RAB10: variants seen among roughly 807,000 people sequenced by gnomAD.
The protein encoded by RAB10 is ras-related protein Rab-10.
In RAB10, 5 loss-of-function variants were observed where a neutral mutation model predicts 25.7. The ratio of observed to expected loss-of-function variants is 0.19; its 90% CI spans 0.10 to 0.41. The LOEUF (loss-of-function observed/expected upper bound fraction) is 0.41. Among genes scored for constraint, RAB10 ranks in the 10% least tolerant of loss-of-function variants. RAB10 has a pLI of 1.00. For missense variants in RAB10, 103 were observed against 245.8 expected, an observed-to-expected ratio of 0.42 and a Z score of 3.89; for synonymous variants, 89 against 86.4, an observed-to-expected ratio of 1.03 and a Z score of -0.16.
intron 2 of RAB10, among the ~76,000 whole-genome samples, chr2:26,108,750 C>T: frequency 6.6e-6 from 1 of 152,080 alleles, no homozygotes; most frequent in Admixed American, 6.5e-5. Context: ...CCCAGGACCT[C>T]TCTGCACAGT....
intron 1 of RAB10, among the ~76,000 whole-genome samples, chr2:26,051,868 C>A (rs892766264): frequency 2.6e-5 from 4 of 151,144 alleles, no homozygotes; most frequent in African/African-American, 7.3e-5. Context: ...ACCAGCCTGA[C>A]CAACATGGTG....
intron 1 of RAB10, among the ~76,000 whole-genome samples, chr2:26,049,371 C>G (rs1048884970): frequency 1.3e-5 from 2 of 151,252 alleles, no homozygotes; most frequent in Non-Finnish European, 1.5e-5. Flanking sequence ...TTGACTCTTG[C>G]CGTAATTTAC....
Position 26,112,851 on chromosome 2 carries a change from C to CA in RAB10, c.327+2946dup, listed in dbSNP as rs1476437485. On this transcript the variant is annotated intron_variant, in intron 3 of 5. Transcript: ENST00000264710. ...ATCCCAGCACTTTGGGAGGCTGAGGCAGGCGGATCACCTGAGGTCAGGAGT... is the reference window on the plus strand; with the variant it reads ...ATCCCAGCACTTTGGGAGGCTGAGGCAAGGCGGATCACCTGAGGTCAGGAGT... Among the ~76,000 whole-genome samples the CA allele has an allele frequency of 3.3e-5, 5 of 152,230 alleles. No homozygotes were observed. In the East Asian group the frequency reaches 9.7e-4, roughly 29 times the overall value.
At position 26,034,382 on chromosome 2, in the gene RAB10, G is replaced by C; in HGVS notation, c.-227G>C. The C allele has an allele frequency of 1.7e-6, 1 of 604,304 alleles. No individual in the cohort carries two copies. Among genetic ancestry groups the C allele is most frequent in the Admixed American group, 3.0e-5 (1 of 33,834 alleles). The allele number at this position is 604,304 out of a possible 1,614,324, so 37.4% of individuals were successfully genotyped here. A position where few individuals can be genotyped will look rare whatever the true frequency, so the allele number is the denominator to read the frequency against. On this transcript the variant is annotated 5_prime_UTR_variant, in exon 1 of 6. Coordinates refer to ENST00000264710, the MANE Select transcript of RAB10 (RefSeq NM_016131.5). ...CCGACTCCCCGGAACCGGGCGGACG[G>C]GCTGGGAGAGGCTGCGGAGCCGCGG... is the stretch of plus-strand genomic sequence containing the variant.
At chr2:26,055,715 G>A (rs1038840653) in intron 1 of RAB10, among the ~76,000 whole-genome samples, 1 of 151,660 alleles carries the variant, frequency 6.6e-6, no homozygotes, top group African/African-American at 2.4e-5. Flanking sequence ...AGTAGAGATG[G>A]GGTTTTGCAG....
At chr2:26,046,082 T>C (rs547830186) in intron 1 of RAB10, among the ~76,000 whole-genome samples, 28 of 152,308 alleles carry the variant, frequency 1.8e-4, no homozygotes, top group Admixed American at 5.9e-4. Flanking sequence ...CCCAGCACTT[T>C]GGGAGGCCAA....
chr2:26,082,378 T>G (rs1666888143), intron 1 of RAB10, among the ~76,000 whole-genome samples: 1 of 152,064 alleles, frequency 6.6e-6, no homozygotes, highest in African/African-American at 2.4e-5. Context: ...TATATTAATA[T>G]TAGACAAGGT....
intron 1 of RAB10, among the ~76,000 whole-genome samples, chr2:26,052,413 C>T (rs6546727): frequency 0.76 from 114,582 of 150,354 alleles, 43,763 homozygotes; most frequent in East Asian, 0.87. Flanking sequence ...AAGGTCTAAA[C>T]ATGGGCAGGG....
Position 26,126,025 on chromosome 2 carries a change from A to AT in RAB10, c.328-1112dup, listed in dbSNP as rs934772192. ...GAGGTCTTTGATCTAGTTCAAGTTA[A>AT]TTTTTTTATATGGTTTAAAATAAGG... On this transcript the variant is annotated intron_variant, in intron 3 of 5. Coordinates refer to ENST00000264710, the MANE Select transcript of RAB10 (RefSeq NM_016131.5). 2.6e-5 allele frequency among the ~76,000 whole-genome samples: 4 copies of AT among 151,956 alleles called. 1 individual carries two copies. The highest frequency in any genetic ancestry group is 9.7e-5 in the African/African-American group (4 of 41,372).
chr2:26,099,794 G>A (rs1459787066), intron 2 of RAB10, among the ~76,000 whole-genome samples: 3 of 151,974 alleles, frequency 2.0e-5, no homozygotes, highest in East Asian at 3.9e-4. Context: ...CGCCCGCCTT[G>A]GCCTCCCAAA....
chr2:26,122,291 T>C (rs2149288059), intron 3 of RAB10, among the ~76,000 whole-genome samples: 1 of 152,284 alleles, frequency 6.6e-6, no homozygotes, highest in East Asian at 1.9e-4. Context: ...TTATCTCATG[T>C]TGAAAATGCA....
chr2:26,034,097 C>T lies in RAB10; in HGVS notation c.-512C>T. 1 of 403,998 alleles carries T rather than the reference C, an allele frequency of 2.5e-6. No homozygotes were observed. Among genetic ancestry groups the T allele is most frequent in the Non-Finnish European group, 4.4e-6 (1 of 228,636 alleles). 25.0% of individuals were successfully genotyped at this position (403,998 alleles called of 1,614,324 possible). The stretch of plus-strand genomic sequence containing the variant: ...GCCCTTGCGTGCGTCTCAGGCAGCG[C>T]GCACGCCGGCGTGAGAGGGCACGGG... On this transcript the variant is annotated 5_prime_UTR_variant, in exon 1 of 6. Transcript: ENST00000264710.
chr2:26,080,942 T>G (rs1410129178), intron 1 of RAB10, among the ~76,000 whole-genome samples: 15 of 152,222 alleles, frequency 9.9e-5, no homozygotes, highest in Admixed American at 9.8e-4. Flanking sequence ...TGATATGGTT[T>G]GGCTGTGTCC....
At chr2:26,085,606 TC>T (rs1666960327) in intron 1 of RAB10, among the ~76,000 whole-genome samples, 1 of 151,946 alleles carries the variant, frequency 6.6e-6, no homozygotes, top group Non-Finnish European at 1.5e-5. Context: ...TAATAAACTT[TC>T]ACTCCAGCTC....
chr2:26,040,710 C>G (rs952510175), intron 1 of RAB10, among the ~76,000 whole-genome samples: 5 of 152,056 alleles, frequency 3.3e-5, no homozygotes, highest in African/African-American at 1.2e-4. Context: ...AGTTATCTTG[C>G]AGGTGTTCAG....
chr2:26,047,637 G>T (rs1320519743), intron 1 of RAB10, among the ~76,000 whole-genome samples: 1 of 151,288 alleles, frequency 6.6e-6, no homozygotes, highest in South Asian at 2.1e-4. Flanking sequence ...GGCTGGTCTT[G>T]AACGCCTGAC....
intron 1 of RAB10, among the ~76,000 whole-genome samples, chr2:26,041,702 C>A (rs1341991719): frequency 6.6e-6 from 1 of 150,872 alleles, no homozygotes; most frequent in East Asian, 2.0e-4. Flanking sequence ...GGTCAGAGTT[C>A]GAGACCAGCC....
Position 26,088,106 on chromosome 2 carries a change from G to T in RAB10, c.128-10556G>T, listed in dbSNP as rs557818965. Among the ~76,000 whole-genome samples, 65 of 152,272 alleles carry T rather than the reference G, an allele frequency of 4.3e-4. 2 individuals carry two copies. The South Asian group carries it at 0.013, about 30-fold the overall frequency. Reference sequence around the variant, plus strand: ...TTCACTTGTTAAAAACCCCAGAAATGGATCATTTAACTATAAATGATGGTT... The same window carrying T: ...TTCACTTGTTAAAAACCCCAGAAATTGATCATTTAACTATAAATGATGGTT... On this transcript the variant is annotated intron_variant, in intron 1 of 5. Transcript: ENST00000264710.
At chr2:26,105,515 C>T (rs191000942) in intron 2 of RAB10, among the ~76,000 whole-genome samples, 13 of 152,082 alleles carry the variant, frequency 8.5e-5, no homozygotes, top group South Asian at 4.1e-4. Flanking sequence ...ATTAGCTGGG[C>T]GTGGTGGCAC....
Sources: gnomAD v4.1 joint callset for allele counts (sites outside exome capture counted in the v4.1 genomes callset) on GRCh38, gnomAD v4.1.1 for gene constraint, MANE v1.5 for transcripts, NCBI Gene and HGNC (gene_info 2026-07-23, HGNC 2026-07-21) for gene names.